The following RGS5 variants were observed in gnomAD, a reference collection of about 807,000 sequenced individuals.
RGS5 encodes the protein regulator of G-protein signalling 5.
In RGS5, 20 loss-of-function variants were observed where a neutral mutation model predicts 18.9. That is an observed-to-expected ratio of 1.06 (90% CI 0.74 to 1.54). The LOEUF (loss-of-function observed/expected upper bound fraction) is 1.54, where lower values mean the gene tolerates loss of function less well. RGS5 is among the 40% of genes most tolerant of loss of function. The pLI, the probability that RGS5 is intolerant of heterozygous loss-of-function variation, is 0.00. For synonymous variants in RGS5, 57 were observed against 76.2 expected (o/e 0.75, Z 1.31); for missense variants, 201 against 211.8 (o/e 0.95, Z 0.32).
At position 163,310,275 on chromosome 1, in the gene RGS5, C is replaced by T. The variant is rs1044506608; in HGVS notation, c.-377-3946G>A. On this transcript the variant is annotated intron_variant, in intron 1 of 5. Coordinates refer to the RGS5 transcript ENST00000618415. The stretch of plus-strand genomic sequence containing the variant: ...AAGCTTTGCAGCCAGGCAATGACTT[C>T]TCTTCTCTAGCTATGAAAGTCCTTA... 3.3e-5 allele frequency among the ~76,000 whole-genome samples: 5 copies of T among 152,188 alleles called. 1 individual carries two copies. The highest frequency in any genetic ancestry group is 2.0e-4 in the Admixed American group (3 of 15,276).
chr1:163,228,209 C>A (rs900466450), intron 2 of RGS5, among the ~76,000 whole-genome samples: 1 of 152,248 alleles, frequency 6.6e-6, no homozygotes, highest in Non-Finnish European at 1.5e-5. Context: ...ACTGCCATAG[C>A]AGAGGTTCTC....
At chr1:163,298,346 A>G (rs1649473624) in intron 2 of RGS5, among the ~76,000 whole-genome samples, 1 of 152,180 alleles carries the variant, frequency 6.6e-6, no homozygotes, top group South Asian at 2.1e-4. Flanking sequence ...AATTGAATCT[A>G]TGAAATAAAC....
chr1:163,251,872 G>A (rs1648115705), intron 2 of RGS5, among the ~76,000 whole-genome samples: 1 of 152,066 alleles, frequency 6.6e-6, no homozygotes, highest in Non-Finnish European at 1.5e-5. Flanking sequence ...TCTGTGCTAT[G>A]TATATACCAC....
At chr1:163,192,774 A>G (rs566875562) in intron 1 of RGS5, among the ~76,000 whole-genome samples, 12 of 152,326 alleles carry the variant, frequency 7.9e-5, no homozygotes, top group African/African-American at 2.9e-4. Flanking sequence ...CAAGCATCAG[A>G]CCACCAGATC....
chr1:163,185,166 A>G (rs1659017119), intron 1 of RGS5, among the ~76,000 whole-genome samples: 1 of 152,038 alleles, frequency 6.6e-6, no homozygotes, highest in Admixed American at 6.5e-5. Context: ...TAAACCCAAA[A>G]GCTCAAACCA....
At chr1:163,286,539 A>G (rs1030697985) in intron 2 of RGS5, among the ~76,000 whole-genome samples, 1 of 152,104 alleles carries the variant, frequency 6.6e-6, no homozygotes, top group African/African-American at 2.4e-5. Flanking sequence ...ATTTTATAAA[A>G]TGATTATCTC....
chr1:163,199,530 T>G (rs1027329749), intron 1 of RGS5, among the ~76,000 whole-genome samples: 1 of 152,134 alleles, frequency 6.6e-6, no homozygotes, highest in African/African-American at 2.4e-5. Context: ...ATTATATATA[T>G]TCCACCCTTT....
At chr1:163,171,237 G>T (rs1035324605) in intron 1 of RGS5, among the ~76,000 whole-genome samples, 1 of 152,148 alleles carries the variant, frequency 6.6e-6, no homozygotes, top group Non-Finnish European at 1.5e-5. Context: ...AAAACATTAA[G>T]TGGGGAGGAG....
At chr1:163,213,657 A>G (rs74721670) in intron 1 of RGS5, among the ~76,000 whole-genome samples, 2,040 of 152,318 alleles carry the variant, frequency 0.013, 43 homozygotes, top group African/African-American at 0.046. Context: ...TATTTAATCC[A>G]TGTTTGAAGC....
chr1:163,243,821 C>G (rs1647863095), intron 2 of RGS5, among the ~76,000 whole-genome samples: 2 of 149,722 alleles, frequency 1.3e-5, no homozygotes, highest in Admixed American at 6.7e-5. Context: ...ACAACACACA[C>G]ACACACACAT....
chr1:163,152,719 G>T lies in RGS5; in HGVS notation c.218-3C>A. 1.3e-6 allele frequency: 2 copies of T among 1,562,508 alleles called. No individual in the cohort carries two copies. The highest frequency in any genetic ancestry group is 2.0e-5 in the Admixed American group (1 of 49,544). On this transcript the variant is annotated splice_region_variant and splice_polypyrimidine_tract_variant and intron_variant, in intron 3 of 4. Transcript: ENST00000313961. ...ACTTTTGAAACTGGCAAGTCCATCT[G>T]GAAAGAAAAAAACAGTCAGCTGGAG...
chr1:163,222,857 T>A lies in RGS5; in HGVS notation c.-280-54489A>T, dbSNP rs61310897. Among the ~76,000 whole-genome samples the A allele has an allele frequency of 1.1e-3, 173 of 152,208 alleles. No individual in the cohort carries two copies. The East Asian group carries it at 0.019, about 16-fold the overall frequency. On this transcript the variant is annotated intron_variant, in intron 2 of 5. Coordinates refer to the RGS5 transcript ENST00000618415. ...TAGTGAGCTGCTTCTCTATTTATTT[T>A]TTTATTTATTTATATATTTTTTAAG...
At chr1:163,161,231 C>G (rs1467516472) in intron 3 of RGS5, among the ~76,000 whole-genome samples, 3 of 152,118 alleles carry the variant, frequency 2.0e-5, no homozygotes, top group African/African-American at 7.2e-5. Flanking sequence ...TGCAGACCGG[C>G]CATATAGTTA....
chr1:163,295,853 G>T (rs954088887), intron 2 of RGS5, among the ~76,000 whole-genome samples: 2 of 152,096 alleles, frequency 1.3e-5, no homozygotes, highest in African/African-American at 4.8e-5. Flanking sequence ...GTATTTATAA[G>T]ACCAAAATCC....
At chr1:163,282,037 G>GCACA (rs200843268) in intron 2 of RGS5, among the ~76,000 whole-genome samples, 11 of 142,650 alleles carry the variant, frequency 7.7e-5, no homozygotes, top group Non-Finnish European at 9.5e-5. Flanking sequence ...CTTCAGAAGT[G>GCACA]CACGCGCGCG....
intron 1 of RGS5, among the ~76,000 whole-genome samples, chr1:163,195,104 A>G (rs1439647022): frequency 6.6e-6 from 1 of 152,196 alleles, no homozygotes. Context: ...CCAAAGGAAA[A>G]GAAGTCATTA....
At chr1:163,253,589 C>T (rs1648177260) in intron 2 of RGS5, among the ~76,000 whole-genome samples, 1 of 151,482 alleles carries the variant, frequency 6.6e-6, no homozygotes, top group East Asian at 1.9e-4. Flanking sequence ...GGATTACAGG[C>T]GTGAGCCACC....
At chr1:163,153,280 T>C (rs1657450886) in intron 3 of RGS5, among the ~76,000 whole-genome samples, 1 of 152,130 alleles carries the variant, frequency 6.6e-6, no homozygotes, top group Admixed American at 6.6e-5. Flanking sequence ...CCTGTCCTAA[T>C]GGAGCTTATA....
chr1:163,318,995 G>A (rs1363557967), intron 1 of RGS5: 1 of 152,182 alleles, frequency 6.6e-6, no homozygotes, highest in Admixed American at 6.5e-5. Context: ...CATAAGAATG[G>A]GTGCCTGATG....
Sources: gnomAD v4.1 joint callset for allele counts (sites outside exome capture counted in the v4.1 genomes callset) on GRCh38, gnomAD v4.1.1 for gene constraint, MANE v1.5 for transcripts, NCBI Gene and HGNC (gene_info 2026-07-23, HGNC 2026-07-21) for gene names.